RGS6: variants seen among roughly 807,000 people sequenced by gnomAD.
The protein encoded by RGS6 is regulator of G protein signaling 6.
Under a neutral mutation model 78.5 loss-of-function variants are expected in RGS6, and 30 were observed. The ratio of observed to expected loss-of-function variants is 0.38; its 90% CI spans 0.29 to 0.52. The LOEUF is 0.52. Among genes scored for constraint, RGS6 ranks in the 20% least tolerant of loss-of-function variants. RGS6 has a pLI of 0.85. For synonymous variants in RGS6, 206 were observed against 206.0 expected (o/e 1.00, Z 0.00); for missense variants, 495 against 609.7 (o/e 0.81, Z 1.98).
intron 15 of RGS6, among the ~76,000 whole-genome samples, chr14:72,530,885 A>G (rs543623365): frequency 6.6e-6 from 1 of 152,368 alleles, no homozygotes; most frequent in African/African-American, 2.4e-5. Flanking sequence ...CCAAGCAAGT[A>G]TGGAGCCAGT....
chr14:72,042,447 A>G (rs989117483), intron 2 of RGS6, among the ~76,000 whole-genome samples: 18 of 152,090 alleles, frequency 1.2e-4, no homozygotes, highest in African/African-American at 4.3e-4. Flanking sequence ...TTTTCTAATT[A>G]TGAACCTGAT....
At chr14:72,254,223 G>A (rs1407971698) in intron 2 of RGS6, among the ~76,000 whole-genome samples, 2 of 152,154 alleles carry the variant, frequency 1.3e-5, no homozygotes, top group Non-Finnish European at 2.9e-5. Context: ...TGATTCACAA[G>A]CCTGGCCTTT....
chr14:72,007,086 A>G (rs1401002085), intron 2 of RGS6, among the ~76,000 whole-genome samples: 10 of 152,186 alleles, frequency 6.6e-5, no homozygotes, highest in African/African-American at 2.4e-4. Context: ...AAAGTAGAAA[A>G]TGTGCCTGAT....
chr14:72,099,735 C>A (rs2095489123), intron 2 of RGS6, among the ~76,000 whole-genome samples: 1 of 152,164 alleles, frequency 6.6e-6, no homozygotes, highest in Admixed American at 6.5e-5. Context: ...TTCCTCATAG[C>A]TTTGGCGGGG....
At chr14:71,982,338 C>A (rs1301493821) in intron 2 of RGS6, among the ~76,000 whole-genome samples, 2 of 152,166 alleles carry the variant, frequency 1.3e-5, no homozygotes, top group Non-Finnish European at 2.9e-5. Flanking sequence ...TTATTAAGTT[C>A]TGGGCATTAT....
At chr14:72,340,812 C>G (rs7155750) in intron 2 of RGS6, among the ~76,000 whole-genome samples, 20,103 of 152,156 alleles carry the variant, frequency 0.13, 2,176 homozygotes, top group African/African-American at 0.29. Context: ...TTTCTATTCT[C>G]TACTTCTGTC....
intron 2 of RGS6, among the ~76,000 whole-genome samples, chr14:72,187,131 A>G (rs758718534): frequency 4.6e-5 from 7 of 152,264 alleles, no homozygotes; most frequent in African/African-American, 1.7e-4. Flanking sequence ...TGGTTATTCA[A>G]ATATCCCTCT....
intron 2 of RGS6, among the ~76,000 whole-genome samples, chr14:72,017,471 T>G (rs2087285509): frequency 6.6e-6 from 1 of 152,216 alleles, no homozygotes; most frequent in African/African-American, 2.4e-5. Flanking sequence ...TCACCTGTTT[T>G]TGTTAATAAA....
At chr14:72,342,742 A>G (rs1351431090) in intron 2 of RGS6, among the ~76,000 whole-genome samples, 1 of 151,624 alleles carries the variant, frequency 6.6e-6, no homozygotes, top group East Asian at 1.9e-4. Context: ...AAAAAAAAAA[A>G]AAAAAAAAGT....
intron 2 of RGS6, among the ~76,000 whole-genome samples, chr14:72,231,781 C>G (rs1567532820): frequency 6.6e-6 from 1 of 151,924 alleles, no homozygotes; most frequent in Non-Finnish European, 1.5e-5. Context: ...AGAGAAAGAA[C>G]ATGGTGTGTG....
intron 2 of RGS6, among the ~76,000 whole-genome samples, chr14:71,991,368 G>A (rs189651876): frequency 6.6e-6 from 1 of 152,098 alleles, no homozygotes; most frequent in East Asian, 1.9e-4. Context: ...ATTCCTATCT[G>A]TGAGAGAGGA....
intron 1 of RGS6, among the ~76,000 whole-genome samples, chr14:71,949,199 G>A (rs140119232): frequency 6.6e-6 from 1 of 152,264 alleles, no homozygotes; most frequent in Non-Finnish European, 1.5e-5. Context: ...CTGGATTGCT[G>A]GGCCATGGGG....
intron 2 of RGS6, among the ~76,000 whole-genome samples, chr14:72,025,588 C>T (rs962065552): frequency 6.6e-6 from 1 of 152,006 alleles, no homozygotes; most frequent in African/African-American, 2.4e-5. Context: ...TATTTCAGAC[C>T]TTACTCTGTG....
At chr14:72,537,200 A>C (rs1289243402) in intron 16 of RGS6, among the ~76,000 whole-genome samples, 1 of 152,152 alleles carries the variant, frequency 6.6e-6, no homozygotes, top group South Asian at 2.1e-4. Flanking sequence ...TAGGGAGCAC[A>C]GGCATCCCTT....
the RGS6 span, among the ~76,000 whole-genome samples, chr14:72,593,318 T>G: frequency 6.6e-6 from 1 of 152,234 alleles, no homozygotes; most frequent in Non-Finnish European, 1.5e-5. Flanking sequence ...AACCTGATCA[T>G]ACGATAGCAA....
chr14:72,381,596 A>G (rs916481246), intron 3 of RGS6, among the ~76,000 whole-genome samples: 10 of 152,102 alleles, frequency 6.6e-5, no homozygotes, highest in Admixed American at 2.0e-4. Flanking sequence ...TAATGAAACT[A>G]TCTTTCAACA....
chr14:72,074,155 A>G (rs2094497351), intron 2 of RGS6, among the ~76,000 whole-genome samples: 1 of 152,222 alleles, frequency 6.6e-6, no homozygotes, highest in African/African-American at 2.4e-5. Context: ...AGTGCTTCCT[A>G]CCATAACAGA....
At chr14:72,574,213 T>C in the RGS6 span, among the ~76,000 whole-genome samples, 2 of 152,202 alleles carry the variant, frequency 1.3e-5, no homozygotes, top group Admixed American at 6.5e-5. Context: ...ATTCTGAGCT[T>C]TGGGCAGGAA....
chr14:72,186,832 G>A (rs148541815), intron 2 of RGS6, among the ~76,000 whole-genome samples: 4 of 152,314 alleles, frequency 2.6e-5, no homozygotes, highest in African/African-American at 7.2e-5. Flanking sequence ...GAGTCAGTGG[G>A]AGCAGTTGTA....
Sources: gnomAD v4.1 joint callset for allele counts (sites outside exome capture counted in the v4.1 genomes callset) on GRCh38, gnomAD v4.1.1 for gene constraint, MANE v1.5 for transcripts, NCBI Gene and HGNC (gene_info 2026-07-23, HGNC 2026-07-21) for gene names.